SYT17: variants seen among roughly 807,000 people sequenced by gnomAD.
SYT17 encodes the protein synaptotagmin 17, also known as synaptotagmin-17.
Under a neutral mutation model 46.7 loss-of-function variants are expected in SYT17, and 22 were observed. The ratio of observed to expected loss-of-function variants is 0.47; its 90% CI spans 0.34 to 0.67. The LOEUF (loss-of-function observed/expected upper bound fraction) is 0.67. SYT17 is among the 30% of genes least tolerant of loss of function. The probability of loss-of-function intolerance (pLI) is 0.01; values close to 1 mark genes in which losing one functional copy is unlikely to be tolerated. For synonymous variants in SYT17, 251 were observed against 248.4 expected (o/e 1.01, Z -0.10); for missense variants, 519 against 612.8 (o/e 0.85, Z 1.62).
chr16:19,212,583 G>C (rs1965947508), intron 5 of SYT17, among the ~76,000 whole-genome samples: 1 of 152,168 alleles, frequency 6.6e-6, no homozygotes, highest in African/African-American at 2.4e-5. Flanking sequence ...ATTGTGCCAG[G>C]GCACTCCAAC....
chr16:19,174,105 G>C (rs1964217571), intron 3 of SYT17, among the ~76,000 whole-genome samples: 1 of 152,194 alleles, frequency 6.6e-6, no homozygotes, highest in African/African-American at 2.4e-5. Context: ...TTCAGAAACA[G>C]GGAAGCAGAA....
chr16:19,235,706 T>C (rs1439481719), intron 7 of SYT17, among the ~76,000 whole-genome samples: 1 of 152,104 alleles, frequency 6.6e-6, no homozygotes, highest in Non-Finnish European at 1.5e-5. Context: ...AAAAGAATGA[T>C]AAGGTAGAAA....
chr16:19,208,134 C>T (rs1403139565), intron 5 of SYT17, among the ~76,000 whole-genome samples: 1 of 152,142 alleles, frequency 6.6e-6, no homozygotes, highest in Non-Finnish European at 1.5e-5. Flanking sequence ...AAATGATGAA[C>T]TTCTGCTTAT....
At chr16:19,220,844 A>AT (rs1966289561) in intron 5 of SYT17, among the ~76,000 whole-genome samples, 1 of 152,088 alleles carries the variant, frequency 6.6e-6, no homozygotes, top group Non-Finnish European at 1.5e-5. Flanking sequence ...ACCTAGCAGG[A>AT]TTTTTGCTGG....
rs1448073174 is a variant in SYT17, at chr16:19,252,358, C to CAT, written c.1229-14512_1229-14511dup. Among the ~76,000 whole-genome samples, 4 of 57,942 alleles carry CAT rather than the reference C, an allele frequency of 6.9e-5. 2 individuals are homozygous for CAT. Among genetic ancestry groups the CAT allele is most frequent in the African/African-American group, 4.6e-4 (4 of 8,608 alleles). The allele number at this position is 57,942 out of a possible 152,430, so 38.0% of individuals were successfully genotyped here. A position where few individuals can be genotyped will look rare whatever the true frequency, so the allele number is the denominator to read the frequency against. On this transcript the variant is annotated intron_variant, in intron 7 of 7. Coordinates refer to ENST00000355377, the MANE Select transcript of SYT17 (RefSeq NM_016524.4). The stretch of plus-strand genomic sequence containing the variant: ...CTGCAGTGCGGTGCTGCCATATACA[C>CAT]ATATATATATACATATATATACATA...
chr16:19,177,666 C>T (rs28561849), intron 3 of SYT17, among the ~76,000 whole-genome samples: 5,662 of 152,186 alleles, frequency 0.037, 343 homozygotes, highest in African/African-American at 0.12. Flanking sequence ...GTGTGCTCTG[C>T]GTGTGATCTT....
Position 19,180,372 on chromosome 16 carries a change from A to G in SYT17, c.183-19A>G, listed in dbSNP as rs1272623341. 9 of 1,613,596 alleles carry G rather than the reference A, an allele frequency of 5.6e-6. No homozygotes were observed. The highest frequency in any genetic ancestry group is 7.6e-6 in the Non-Finnish European group (9 of 1,179,816). Reference sequence around the variant, plus strand: ...CGGGGATTCCTGGACAGCTACTGAGACCTCTTCCCTTCCTATAGGATGGCC... The same window carrying G: ...CGGGGATTCCTGGACAGCTACTGAGGCCTCTTCCCTTCCTATAGGATGGCC... On this transcript the variant is annotated intron_variant, in intron 3 of 7. Transcript: ENST00000355377.
chr16:19,241,981 C>T (rs1967167739), intron 7 of SYT17, among the ~76,000 whole-genome samples: 1 of 151,442 alleles, frequency 6.6e-6, no homozygotes, highest in South Asian at 2.1e-4. Context: ...CATTATTGCC[C>T]TTTTATGGAA....
intron 5 of SYT17, among the ~76,000 whole-genome samples, chr16:19,218,365 A>G (rs577655975): frequency 6.6e-6 from 1 of 152,320 alleles, no homozygotes; most frequent in South Asian, 2.1e-4. Context: ...CTCCCCAGAT[A>G]AGGCAGACAG....
intron 7 of SYT17, among the ~76,000 whole-genome samples, chr16:19,230,939 A>G (rs1966657802): frequency 6.6e-6 from 1 of 152,216 alleles, no homozygotes; most frequent in Non-Finnish European, 1.5e-5. Flanking sequence ...AAGACATCCA[A>G]TTTATGCAGC....
At chr16:19,254,001 T>C (rs1968379143) in intron 7 of SYT17, among the ~76,000 whole-genome samples, 1 of 152,206 alleles carries the variant, frequency 6.6e-6, no homozygotes, top group Non-Finnish European at 1.5e-5. Context: ...AGTGGTGGGA[T>C]TACAGGGGTG....
At chr16:19,234,576 A>G (rs1966817940) in intron 7 of SYT17, among the ~76,000 whole-genome samples, 1 of 152,192 alleles carries the variant, frequency 6.6e-6, no homozygotes, top group African/African-American at 2.4e-5. Context: ...TGATGATGAT[A>G]ATTGATGGAC....
At chr16:19,184,212 AT>A in intron 5 of SYT17, 65 bp downstream of exon 5, 1 of 1,515,458 alleles carries the variant, frequency 6.6e-7, no homozygotes, top group Non-Finnish European at 8.8e-7. Context: ...TTTTTATTTT[AT>A]TTTACTGTTT....
chr16:19,264,127 C>T (rs1969194511), intron 7 of SYT17, among the ~76,000 whole-genome samples: 1 of 152,336 alleles, frequency 6.6e-6, no homozygotes, highest in Admixed American at 6.5e-5. Flanking sequence ...AGCAGCTTCT[C>T]ACCAGACACC....
intron 5 of SYT17, among the ~76,000 whole-genome samples, chr16:19,192,914 C>T (rs1391666180): frequency 2.0e-5 from 3 of 152,166 alleles, no homozygotes; most frequent in Non-Finnish European, 4.4e-5. Flanking sequence ...ATTCTGATTT[C>T]CCACATCCTG....
intron 5 of SYT17, among the ~76,000 whole-genome samples, chr16:19,218,642 G>C (rs1255716674): frequency 6.6e-6 from 1 of 152,202 alleles, no homozygotes; most frequent in Non-Finnish European, 1.5e-5. Flanking sequence ...ACACTTGAAG[G>C]CTGCAGAGGT....
At chr16:19,246,834 G>A (rs894801627) in intron 7 of SYT17, among the ~76,000 whole-genome samples, 1 of 152,152 alleles carries the variant, frequency 6.6e-6, no homozygotes, top group Admixed American at 6.5e-5. Flanking sequence ...CTATGACAGT[G>A]AGCAAATTAG....
chr16:19,194,029 G>C (rs893070957), intron 5 of SYT17, among the ~76,000 whole-genome samples: 4 of 152,192 alleles, frequency 2.6e-5, no homozygotes, highest in African/African-American at 7.2e-5. Flanking sequence ...CACCCTCAGG[G>C]CTCAGAATGC....
intron 7 of SYT17, among the ~76,000 whole-genome samples, chr16:19,262,414 A>G (rs1171689543): frequency 1.3e-5 from 2 of 152,214 alleles, no homozygotes; most frequent in Non-Finnish European, 2.9e-5. Context: ...GGGACTTCCT[A>G]GCTTCTGGAA....
Sources: allele counts gnomAD v4.1 joint callset (sites outside exome capture counted in the v4.1 genomes callset), GRCh38; gene constraint gnomAD v4.1.1; transcripts MANE v1.5; gene names NCBI Gene and HGNC (gene_info 2026-07-23, HGNC 2026-07-21).